ZBTB20: variants seen among roughly 807,000 people sequenced by gnomAD.
ZBTB20 encodes zinc finger and BTB domain containing 20.
In ZBTB20, 9 loss-of-function variants were observed where a neutral mutation model predicts 56.9. The observed-to-expected ratio is 0.16, with a 90% CI of 0.10 to 0.28. The LOEUF (loss-of-function observed/expected upper bound fraction) is 0.28. ZBTB20 is among the 10% of genes least tolerant of loss of function. ZBTB20 has a pLI of 1.00. For missense variants in ZBTB20, 655 were observed against 1,003.0 expected (o/e 0.65, Z 4.69); for synonymous variants, 417 against 420.7 (o/e 0.99, Z 0.11).
At chr3:114,982,696 A>C (rs1479702732) in intron 2 of ZBTB20, among the ~76,000 whole-genome samples, 2 of 152,094 alleles carry the variant, frequency 1.3e-5, no homozygotes, top group Non-Finnish European at 2.9e-5. Flanking sequence ...TCCTGTGGGT[A>C]CATGTGCACA....
chr3:114,486,386 G>A (rs2042156425), intron 7 of ZBTB20, among the ~76,000 whole-genome samples: 1 of 152,034 alleles, frequency 6.6e-6, no homozygotes, highest in Non-Finnish European at 1.5e-5. Flanking sequence ...ATAGTCTACA[G>A]ACACCCTGTC....
intron 4 of ZBTB20, among the ~76,000 whole-genome samples, chr3:114,883,985 G>C (rs62264994): frequency 2.0e-4 from 1 of 4,922 alleles, no homozygotes; most frequent in South Asian, 6.6e-3. Flanking sequence ...GAGTGCAGTG[G>C]CAGGATCTCG....
chr3:114,433,623 TGGCAC>T (rs2090283350), intron 7 of ZBTB20, among the ~76,000 whole-genome samples: 2 of 152,198 alleles, frequency 1.3e-5, no homozygotes, highest in Admixed American at 6.6e-5. Flanking sequence ...TTATTTCTGA[TGGCAC>T]ATTCTAGGTG....
At chr3:114,631,357 T>G (rs1578064782) in intron 6 of ZBTB20, among the ~76,000 whole-genome samples, 1 of 126,988 alleles carries the variant, frequency 7.9e-6, no homozygotes, top group African/African-American at 2.9e-5. Context: ...TGTGGAGGGG[T>G]GGGGTGGCTC....
At chr3:114,425,463 C>T (rs1022645078) in intron 7 of ZBTB20, among the ~76,000 whole-genome samples, 1 of 152,194 alleles carries the variant, frequency 6.6e-6, no homozygotes, top group African/African-American at 2.4e-5. Flanking sequence ...TGCAGGGTTC[C>T]TTCTAGCCCT....
At chr3:114,870,620 G>T (rs183096695) in intron 4 of ZBTB20, among the ~76,000 whole-genome samples, 1 of 151,506 alleles carries the variant, frequency 6.6e-6, no homozygotes, top group Non-Finnish European at 1.5e-5. Flanking sequence ...TTGATCCAAA[G>T]AAATAGCAGC....
intron 7 of ZBTB20, among the ~76,000 whole-genome samples, chr3:114,412,274 G>C (rs776049382): frequency 6.6e-6 from 1 of 152,130 alleles, no homozygotes; most frequent in Non-Finnish European, 1.5e-5. Flanking sequence ...CCATAGAGTT[G>C]TGAGGATCAA....
chr3:114,985,143 T>A (rs2078483818), intron 2 of ZBTB20, among the ~76,000 whole-genome samples: 1 of 152,096 alleles, frequency 6.6e-6, no homozygotes, highest in South Asian at 2.1e-4. Context: ...ACTGACTCAT[T>A]GTCGATTTTC....
At chr3:114,582,512 G>C (rs998806923) in intron 6 of ZBTB20, among the ~76,000 whole-genome samples, 10 of 151,824 alleles carry the variant, frequency 6.6e-5, no homozygotes, top group African/African-American at 2.2e-4. Context: ...AGCCTCCCGA[G>C]TAGCTTACAG....
chr3:114,702,065 T>C (rs959536985), intron 5 of ZBTB20, among the ~76,000 whole-genome samples: 1 of 152,180 alleles, frequency 6.6e-6, no homozygotes, highest in African/African-American at 2.4e-5. Context: ...TGGCTAGGCA[T>C]GGTGACTATC....
At chr3:114,565,764 AC>A (rs2052646949) in intron 6 of ZBTB20, among the ~76,000 whole-genome samples, 1 of 151,984 alleles carries the variant, frequency 6.6e-6, no homozygotes, top group Non-Finnish European at 1.5e-5. Context: ...TGCTTATCTC[AC>A]CCCAACAAAA....
intron 2 of ZBTB20, among the ~76,000 whole-genome samples, chr3:114,984,164 G>A (rs2078440098): frequency 6.6e-6 from 1 of 151,926 alleles, no homozygotes; most frequent in Non-Finnish European, 1.5e-5. Flanking sequence ...CATTGATGAT[G>A]GAGATCACAG....
At chr3:114,365,187 A>G (rs2082272416) in intron 10 of ZBTB20, among the ~76,000 whole-genome samples, 1 of 152,210 alleles carries the variant, frequency 6.6e-6, no homozygotes, top group Non-Finnish European at 1.5e-5. Flanking sequence ...CTGAGTATAC[A>G]TAAAATAGTG....
Position 114,321,217 on chromosome 3 carries a change from A to G in ZBTB20, c.*17788T>C, listed in dbSNP as rs2078882906. The G allele has an allele frequency of 2.0e-5, 3 of 152,244 alleles. No individual in the cohort carries two copies. Among genetic ancestry groups the G allele is most frequent in the Non-Finnish European group, 2.9e-5 (2 of 68,054 alleles). 9.4% of individuals were successfully genotyped at this position (152,244 alleles called of 1,614,324 possible). A position where few individuals can be genotyped will look rare whatever the true frequency, so the allele number is the denominator to read the frequency against. ...TAACATATAATATATGAGATGAAAT[A>G]TAATTCTGTTAGAGAGGACATGGTG... On this transcript the variant is annotated 3_prime_UTR_variant, in exon 12 of 12. Coordinates refer to ENST00000675478, the MANE Select transcript of ZBTB20 (RefSeq NM_001348800.3).
At chr3:114,401,355 T>C (rs966393684) in intron 7 of ZBTB20, among the ~76,000 whole-genome samples, 1 of 152,178 alleles carries the variant, frequency 6.6e-6, no homozygotes, top group African/African-American at 2.4e-5. Flanking sequence ...TCTCTAACAC[T>C]CTTATACTGC....
At position 114,320,083 on chromosome 3, in the gene ZBTB20, A is replaced by G. The variant is rs568364879; in HGVS notation, c.*18922T>C. 1 of 152,276 alleles carries G rather than the reference A, an allele frequency of 6.6e-6. No individual in the cohort carries two copies. Among genetic ancestry groups the G allele is most frequent in the African/African-American group, 2.4e-5 (1 of 41,564 alleles). 9.4% of individuals were successfully genotyped at this position (152,276 alleles called of 1,614,324 possible). On this transcript the variant is annotated 3_prime_UTR_variant, in exon 12 of 12. Transcript: ENST00000675478. The stretch of plus-strand genomic sequence containing the variant: ...TTTTCTCCATCCCCATTGAACTACC[A>G]GGTTCCTTTTATATTTTCAGCATTG...
At chr3:114,433,087 C>A (rs1040189291) in intron 7 of ZBTB20, among the ~76,000 whole-genome samples, 1 of 152,062 alleles carries the variant, frequency 6.6e-6, no homozygotes, top group Non-Finnish European at 1.5e-5. Flanking sequence ...AATAGTTTTA[C>A]GTAGATATAG....
At chr3:114,561,075 C>T (rs896166035) in intron 6 of ZBTB20, among the ~76,000 whole-genome samples, 1 of 152,224 alleles carries the variant, frequency 6.6e-6, no homozygotes, top group Non-Finnish European at 1.5e-5. Flanking sequence ...TAAGAAACTA[C>T]TCTTTACCTG....
chr3:115,139,338 T>G (rs1267912410), intron 1 of ZBTB20, among the ~76,000 whole-genome samples: 5 of 151,882 alleles, frequency 3.3e-5, no homozygotes, highest in African/African-American at 1.2e-4. Context: ...AAACTGAGAG[T>G]AAAATTTTAA....
Sources: gnomAD v4.1 joint callset for allele counts (sites outside exome capture counted in the v4.1 genomes callset) on GRCh38, gnomAD v4.1.1 for gene constraint, MANE v1.5 for transcripts, NCBI Gene and HGNC (gene_info 2026-07-23, HGNC 2026-07-21) for gene names.